TMPRSS11F: variants seen among roughly 807,000 people sequenced by gnomAD.
TMPRSS11F encodes the protein transmembrane protease serine 11F.
TMPRSS11F carries 47 observed loss-of-function variants against 60.2 expected under a neutral mutation model. That is an observed-to-expected ratio of 0.78 (90% confidence interval 0.62 to 1.00). TMPRSS11F has a LOEUF of 1.00. Ranked by LOEUF, TMPRSS11F falls within the 50% of genes least tolerant of loss-of-function variation. The pLI is 0.00. For synonymous variants in TMPRSS11F, 166 were observed against 167.3 expected, an observed-to-expected ratio of 0.99 and a Z score of 0.06; for missense variants, 519 against 522.9, an observed-to-expected ratio of 0.99 and a Z score of 0.07.
chr4:68,071,356 T>G (rs1215779410), intron 5 of TMPRSS11F, among the ~76,000 whole-genome samples: 1 of 152,238 alleles, frequency 6.6e-6, no homozygotes, highest in Non-Finnish European at 1.5e-5. Flanking sequence ...TTAGATAACT[T>G]GTTTCCTAAA....
rs974391673 is a variant in TMPRSS11F, at chr4:68,064,545, G to C, written c.1015+140C>G. 4 of 961,680 alleles carry C rather than the reference G, an allele frequency of 4.2e-6. No homozygotes were observed. In the African/African-American group the frequency reaches 5.0e-5, roughly 12 times the overall value. The allele number at this position is 961,680 out of a possible 1,614,324, so 59.6% of individuals were successfully genotyped here. ...CCTGATTTTTACTTTTTAACCCACA[G>C]TCTCCTGTTCTGCCCAAGGCCACAC... On this transcript the variant is annotated intron_variant, in intron 8 of 9. Transcript: ENST00000356291.
chr4:68,071,529 T>A (rs1723463573), intron 5 of TMPRSS11F, among the ~76,000 whole-genome samples: 1 of 152,112 alleles, frequency 6.6e-6, no homozygotes, highest in Admixed American at 6.6e-5. Flanking sequence ...TGTATGCTAG[T>A]GTTTGAGGGA....
intron 1 of TMPRSS11F, among the ~76,000 whole-genome samples, chr4:68,119,097 G>C (rs934948296): frequency 6.6e-6 from 1 of 152,052 alleles, no homozygotes; most frequent in Non-Finnish European, 1.5e-5. Flanking sequence ...CTGATACGGA[G>C]TAAGTTTTGT....
At chr4:68,064,110 T>A (rs1723266753) in intron 8 of TMPRSS11F, among the ~76,000 whole-genome samples, 1 of 150,572 alleles carries the variant, frequency 6.6e-6, no homozygotes, top group Non-Finnish European at 1.5e-5. Context: ...TATATTAGTC[T>A]CTCTCCCTGA....
At chr4:68,107,703 C>T (rs1055123725) in intron 1 of TMPRSS11F, among the ~76,000 whole-genome samples, 1 of 152,054 alleles carries the variant, frequency 6.6e-6, no homozygotes, top group African/African-American at 2.4e-5. Flanking sequence ...CTTTGAGGGG[C>T]CAAGGCGGGC....
intron 3 of TMPRSS11F, among the ~76,000 whole-genome samples, chr4:68,081,249 G>C (rs75245394): frequency 0.036 from 5,429 of 152,206 alleles, 273 homozygotes; most frequent in African/African-American, 0.11. Context: ...GGAGTCATGA[G>C]AATTTTCCAG....
intron 1 of TMPRSS11F, among the ~76,000 whole-genome samples, chr4:68,099,369 C>T (rs1246282701): frequency 1.3e-5 from 2 of 152,024 alleles, no homozygotes; most frequent in Admixed American, 1.3e-4. Flanking sequence ...TTTAAAATAA[C>T]CTTAACAATT....
chr4:68,090,271 T>C (rs963988494), intron 3 of TMPRSS11F, among the ~76,000 whole-genome samples: 14 of 151,984 alleles, frequency 9.2e-5, no homozygotes, highest in African/African-American at 3.4e-4. Flanking sequence ...TAGAGAAACA[T>C]TTGTTTCAAC....
At chr4:68,083,204 C>A (rs1267444797) in intron 3 of TMPRSS11F, among the ~76,000 whole-genome samples, 5 of 152,202 alleles carry the variant, frequency 3.3e-5, no homozygotes. Flanking sequence ...GCTTCCACAA[C>A]ATTGCAGGTC....
At chr4:68,126,827 T>C (rs1724721905) in intron 1 of TMPRSS11F, among the ~76,000 whole-genome samples, 1 of 152,194 alleles carries the variant, frequency 6.6e-6, no homozygotes, top group African/African-American at 2.4e-5. Flanking sequence ...TCAGGAACAA[T>C]TAAGATGTGA....
intron 1 of TMPRSS11F, among the ~76,000 whole-genome samples, chr4:68,123,637 C>T (rs1001053236): frequency 6.6e-6 from 1 of 152,146 alleles, no homozygotes; most frequent in African/African-American, 2.4e-5. Flanking sequence ...TCTGGGCCTA[C>T]TAACCACCAC....
At chr4:68,086,489 C>T (rs1723815992) in intron 3 of TMPRSS11F, among the ~76,000 whole-genome samples, 1 of 152,004 alleles carries the variant, frequency 6.6e-6, no homozygotes. Flanking sequence ...AACAAACCAA[C>T]ACCAAAGCTA....
At chr4:68,109,355 G>T (rs536173354) in intron 1 of TMPRSS11F, among the ~76,000 whole-genome samples, 2 of 152,162 alleles carry the variant, frequency 1.3e-5, no homozygotes, top group South Asian at 4.2e-4. Context: ...AAACCACAGG[G>T]TTAAATTCTC....
intron 2 of TMPRSS11F, among the ~76,000 whole-genome samples, chr4:68,094,073 C>A (rs368272618): frequency 7.7e-6 from 1 of 129,140 alleles, no homozygotes; most frequent in Non-Finnish European, 1.7e-5. Flanking sequence ...GACTATAAAT[C>A]ATGCTGCTAT....
At chr4:68,076,156 A>C (rs1280986453) in intron 3 of TMPRSS11F, among the ~76,000 whole-genome samples, 4 of 152,206 alleles carry the variant, frequency 2.6e-5, no homozygotes, top group African/African-American at 9.6e-5. Flanking sequence ...ATAACCATGG[A>C]GACATCACCT....
intron 2 of TMPRSS11F, among the ~76,000 whole-genome samples, chr4:68,092,395 G>A (rs180683215): frequency 5.3e-5 from 8 of 152,038 alleles, no homozygotes; most frequent in Admixed American, 5.2e-4. Context: ...GTATCTTTTT[G>A]TTCCACTTAC....
At chr4:68,105,939 G>A (rs1724295361) in intron 1 of TMPRSS11F, among the ~76,000 whole-genome samples, 1 of 150,820 alleles carries the variant, frequency 6.6e-6, no homozygotes, top group Admixed American at 6.6e-5. Flanking sequence ...ATAGTCTGAA[G>A]GTAAAAAAAC....
intron 9 of TMPRSS11F, 66 bp downstream of exon 9, chr4:68,059,260 T>C (rs921474078): frequency 8.9e-6 from 14 of 1,564,720 alleles, no homozygotes; most frequent in African/African-American, 1.4e-5. Context: ...GTAAAATATA[T>C]GCCAAACTCA....
Position 68,126,300 on chromosome 4 carries a change from T to C in TMPRSS11F, c.11+3510A>G, listed in dbSNP as rs114561058. Reference sequence around the variant, plus strand: ...TGTATAATGTGCTACTAGTATACTATAAGCTAAATTAAGTATTTGTTGTAC... The same window carrying C: ...TGTATAATGTGCTACTAGTATACTACAAGCTAAATTAAGTATTTGTTGTAC... On this transcript the variant is annotated intron_variant, in intron 1 of 9. Transcript: ENST00000356291. Among the ~76,000 whole-genome samples the C allele has an allele frequency of 7.2e-3, 1,101 of 152,330 alleles. 7 individuals carry two copies. The highest frequency in any genetic ancestry group is 0.011 in the Non-Finnish European group (747 of 68,016).
Sources: gnomAD v4.1 joint callset for allele counts (sites outside exome capture counted in the v4.1 genomes callset) on GRCh38, gnomAD v4.1.1 for gene constraint, MANE v1.5 for transcripts, NCBI Gene and HGNC (gene_info 2026-07-23, HGNC 2026-07-21) for gene names.